Variants in ABCB4 observed in about 807,000 individuals in gnomAD.
ABCB4 encodes the protein ATP binding cassette subfamily B member 4.
In ABCB4, 76 loss-of-function variants were observed where a neutral mutation model predicts 145.7. The ratio of observed to expected loss-of-function variants is 0.52; its 90% CI spans 0.43 to 0.63. The LOEUF (loss-of-function observed/expected upper bound fraction) is 0.63, where lower values mean the gene tolerates loss of function less well. ABCB4 is among the 30% of genes least tolerant of loss of function. The pLI, the probability that ABCB4 is intolerant of heterozygous loss-of-function variation, is 0.00. For synonymous variants in ABCB4, 517 were observed against 566.8 expected (o/e 0.91, Z 1.25); for missense variants, 1,234 against 1,553.1 (o/e 0.79, Z 3.45).
At chr7:87,392,517 T>C in the ABCB4 span, 1 of 1,433,292 alleles carries the variant, frequency 7.0e-7, no homozygotes, top group Non-Finnish European at 9.7e-7. Flanking sequence ...TTTTTCTAGT[T>C]GGGTTTTGCA....
intron 18 of ABCB4, 135 bp downstream of exon 18, chr7:87,421,986 C>A: frequency 1.5e-6 from 1 of 686,236 alleles, no homozygotes; most frequent in Non-Finnish European, 2.6e-6. Context: ...AAGGAGTCTA[C>A]CCTCCAGCAG....
At chr7:87,434,746 CA>C (rs34905708) in intron 14 of ABCB4, among the ~76,000 whole-genome samples, 3 of 150,598 alleles carry the variant, frequency 2.0e-5, no homozygotes, top group Admixed American at 6.6e-5. Flanking sequence ...GACTCCGTCT[CA>C]AAAAAAAAAT....
the ABCB4 span, among the ~76,000 whole-genome samples, chr7:87,378,682 A>G: frequency 3.6e-3 from 551 of 152,296 alleles, 5 homozygotes; most frequent in African/African-American, 0.012. Flanking sequence ...GTCCTGGAAT[A>G]ATCCTCATCA....
chr7:87,465,766 C>T (rs979163274), intron 3 of ABCB4, among the ~76,000 whole-genome samples: 34 of 152,176 alleles, frequency 2.2e-4, no homozygotes, highest in African/African-American at 7.0e-4. Context: ...CTGCAGCCTC[C>T]GCTGCTGATA....
intron 22 of ABCB4, 48 bp from the exon 23 acceptor site, chr7:87,412,081 A>G: frequency 1.2e-6 from 2 of 1,610,470 alleles, no homozygotes; most frequent in Non-Finnish European, 1.7e-6. Context: ...AGCCTCCTTT[A>G]GCGCTGTGTA....
At position 87,409,304 on chromosome 7, in the gene ABCB4, C is replaced by A. The variant is rs531111327; in HGVS notation, c.3013G>T (p.Ala1005Ser). The change falls in exon 24 of 28, where the codon GCC becomes TCC. Residue 1005 changes from alanine to serine, a missense_variant. Ala to Ser is a moderately conservative substitution (Grantham distance 99). Coordinates refer to ENST00000649586, the MANE Select transcript of ABCB4 (RefSeq NM_000443.4). The stretch of plus-strand genomic sequence containing the variant: ...CTTTCAAACAGCATGAATAAGTGGG[C>A]TGCAGACAGCTTAGCTTTAGCATAG... ...PDYAKAKLSA[A>S]HLFMLFERQP... is the part of the protein sequence containing the mutation. 2.5e-6 allele frequency: 4 copies of A among 1,614,078 alleles called. No individual in the cohort carries two copies. Among genetic ancestry groups the A allele is most frequent in the Non-Finnish European group, 3.4e-6 (4 of 1,180,012 alleles).
the ABCB4 span, among the ~76,000 whole-genome samples, chr7:87,391,112 C>T: frequency 6.6e-6 from 1 of 152,246 alleles, no homozygotes. Flanking sequence ...GGGTCACCCT[C>T]AGTTTTCTGC....
At chr7:87,475,593 G>A (rs1813756564) in intron 1 of ABCB4, 41 bp downstream of exon 1, 3 of 965,724 alleles carry the variant, frequency 3.1e-6, no homozygotes, top group African/African-American at 1.6e-5. Context: ...CCCACGTCCC[G>A]GGTCTCCCTT....
chr7:87,450,065 G>A lies in ABCB4; in HGVS notation c.736C>T (p.Leu246=). ...KILSAFSDKE[L]AAYAKAGAVA... ...GCGCCTGCTTTTGCATAAGCAGCTAGTTCTTTGTCACTAAATGCCGAGAGT... is the reference window on the plus strand; with the variant it reads ...GCGCCTGCTTTTGCATAAGCAGCTAATTCTTTGTCACTAAATGCCGAGAGT... The change falls in exon 8 of 28, where the codon CTA becomes TTA. Residue 246 remains leucine (L), a synonymous_variant. Transcript: ENST00000649586. 1 of 1,614,138 alleles carries A rather than the reference G, an allele frequency of 6.2e-7. No homozygotes were observed. The highest frequency in any genetic ancestry group is 1.1e-5 in the South Asian group (1 of 91,090).
chr7:87,382,406 T>A, the ABCB4 span: 44 of 1,608,552 alleles, frequency 2.7e-5, no homozygotes, highest in African/African-American at 4.4e-4. Context: ...TTAATTCTTC[T>A]TGTTAGGCAT....
At chr7:87,400,426 T>C (rs939940406), downstream of ABCB4, among the ~76,000 whole-genome samples, 1 of 152,214 alleles carries the variant, frequency 6.6e-6, no homozygotes, top group Admixed American at 6.5e-5. Context: ...AATTAAGCCC[T>C]TTACACTGTG....
At chr7:87,423,715 C>G in intron 17 of ABCB4, 191 bp downstream of exon 17, 1 of 636,832 alleles carries the variant, frequency 1.6e-6, no homozygotes. Context: ...TCATTAATAT[C>G]ATAACTTAGA....
chr7:87,462,428 A>G (rs1454686964), intron 4 of ABCB4, among the ~76,000 whole-genome samples: 1 of 152,176 alleles, frequency 6.6e-6, no homozygotes, highest in East Asian at 1.9e-4. Flanking sequence ...ACTCATCAGC[A>G]ATTACTAATG....
In ABCB4 at chr7:87,441,927, T is replaced by C. The variant is rs569322355; in HGVS notation, c.1356+1392A>G. On this transcript the variant is annotated intron_variant, in intron 12 of 27. Transcript: ENST00000649586. ...ATTGCTTTCTTTCATCATAGTTTTA[T>C]TGGTTTTTATTGGAAAGAGGCTTAA... is the stretch of plus-strand genomic sequence containing the variant. 1.2e-4 allele frequency among the ~76,000 whole-genome samples: 18 copies of C among 152,298 alleles called. No homozygotes were observed. In the East Asian group the frequency reaches 3.5e-3, roughly 29 times the overall value.
At chr7:87,450,187 C>G (rs895071227) in intron 7 of ABCB4, 95 bp from the exon 8 acceptor site, 13 of 1,518,848 alleles carry the variant, frequency 8.6e-6, no homozygotes, top group South Asian at 1.1e-5. Context: ...TTCCCAAACC[C>G]TCTCCTTTAA....
intron 21 of ABCB4, among the ~76,000 whole-genome samples, chr7:87,414,237 CAG>C (rs1269162250): frequency 6.6e-6 from 1 of 152,212 alleles, no homozygotes. Context: ...GTGATTAAAT[CAG>C]AGTCAGACAT....
At chr7:87,436,993 C>T (rs546404895) in intron 14 of ABCB4, among the ~76,000 whole-genome samples, 1 of 152,292 alleles carries the variant, frequency 6.6e-6, no homozygotes, top group Non-Finnish European at 1.5e-5. Flanking sequence ...GATGCTATCA[C>T]TGTATGAACA....
chr7:87,445,007 T>C, intron 9 of ABCB4, 32 bp from the exon 10 acceptor site: 1 of 1,412,290 alleles, frequency 7.1e-7, no homozygotes, highest in Non-Finnish European at 9.9e-7. Flanking sequence ...AAAGTTTAAG[T>C]CACATTCTGG....
the ABCB4 span, among the ~76,000 whole-genome samples, chr7:87,383,032 A>G: frequency 6.6e-6 from 1 of 152,190 alleles, no homozygotes; most frequent in Non-Finnish European, 1.5e-5. Context: ...TTTTTTTGAT[A>G]CATGCATAAA....
Sources: gnomAD v4.1 joint callset for allele counts (sites outside exome capture counted in the v4.1 genomes callset) on GRCh38, gnomAD v4.1.1 for gene constraint, MANE v1.5 for transcripts, NCBI Gene and HGNC (gene_info 2026-07-23, HGNC 2026-07-21) for gene names.